The following ADAMTS9 variants were observed in gnomAD, a reference collection of about 807,000 sequenced individuals.
The protein encoded by ADAMTS9 is A disintegrin and metalloproteinase with thrombospondin motifs 9.
A neutral mutation model predicts 257.1 loss-of-function variants in ADAMTS9; 107 were observed. The observed-to-expected ratio is 0.42, with a 90% CI of 0.36 to 0.49. ADAMTS9 has a LOEUF of 0.49. ADAMTS9 is among the 20% of genes least tolerant of loss of function. The pLI is 0.03. For missense variants in ADAMTS9, 2,353 were observed against 2,469.1 expected (o/e 0.95, Z 1.00); for synonymous variants, 982 against 880.9 (o/e 1.11, Z -2.03).
At chr3:64,549,065 G>A (rs2083237904) in intron 31 of ADAMTS9, among the ~76,000 whole-genome samples, 2 of 152,114 alleles carry the variant, frequency 1.3e-5, no homozygotes, top group Non-Finnish European at 2.9e-5. Context: ...CAGAGAGAAG[G>A]CATGTCTTCT....
At chr3:64,605,008 T>C (rs1288360835) in intron 23 of ADAMTS9, among the ~76,000 whole-genome samples, 1 of 152,228 alleles carries the variant, frequency 6.6e-6, no homozygotes, top group Admixed American at 6.5e-5. Context: ...ACTTAATACA[T>C]ATTCATCAAA....
intron 12 of ADAMTS9, among the ~76,000 whole-genome samples, chr3:64,634,457 T>C (rs1291934593): frequency 6.6e-6 from 1 of 152,224 alleles, no homozygotes; most frequent in African/African-American, 2.4e-5. Context: ...TGGGAATGTG[T>C]TCATATTTTG....
intron 3 of ADAMTS9, among the ~76,000 whole-genome samples, chr3:64,659,701 C>T (rs73832369): frequency 3.9e-5 from 6 of 152,040 alleles, no homozygotes; most frequent in Admixed American, 1.3e-4. Context: ...TACTCCAGGG[C>T]TCAGTTAAGG....
intron 18 of ADAMTS9, 59 bp downstream of exon 18, chr3:64,622,135 AAAAT>A (rs958257711): frequency 3.7e-5 from 55 of 1,505,884 alleles, no homozygotes; most frequent in Admixed American, 1.0e-4. Context: ...GCTGTTATTA[AAAAT>A]AAATAAATAA....
In ADAMTS9 at chr3:64,655,589, C is replaced by T. The variant is rs766227581; in HGVS notation, c.1156G>A (p.Val386Ile). 5 of 1,613,302 alleles carry T rather than the reference C, an allele frequency of 3.1e-6. No homozygotes were observed. In the South Asian group the frequency reaches 3.3e-5, roughly 11 times the overall value. ...SPGGIHHDTAVLLTRQDICRA... is the reference protein window; with the variant it reads ...SPGGIHHDTAILLTRQDICRA... ...AAATCCATATACCTTGTTAAGAGAA[C>T]AGCAGTATCATGATGGATTCCACCT... Residue 386 changes from valine (V) to isoleucine (I), a missense_variant, in exon 6 of 40, where the codon GTT becomes ATT. Around this residue, in one of 3 missense-constraint regions of ADAMTS9, gnomAD observed 591 missense variants for 569.6 expected, o/e 1.04. Coordinates refer to ENST00000498707, the MANE Select transcript of ADAMTS9 (RefSeq NM_182920.2).
At chr3:64,659,481 A>C (rs960725011) in intron 3 of ADAMTS9, among the ~76,000 whole-genome samples, 11 of 151,996 alleles carry the variant, frequency 7.2e-5, no homozygotes, top group African/African-American at 2.7e-4. Flanking sequence ...AACAAAAAAA[A>C]AAAAAAAAAA....
chr3:64,605,966 T>C (rs1462119282), intron 23 of ADAMTS9, among the ~76,000 whole-genome samples: 1 of 152,242 alleles, frequency 6.6e-6, no homozygotes, highest in African/African-American at 2.4e-5. Context: ...TGCTGAACTT[T>C]TGAACCTGTT....
intron 29 of ADAMTS9, chr3:64,563,076 G>C (rs918191776): frequency 2.6e-5 from 4 of 152,164 alleles, no homozygotes; most frequent in Non-Finnish European, 4.4e-5. Context: ...TAATTGGATT[G>C]AATGAGTTTG....
At chr3:64,542,087 GTGTCGCTGAA>G in intron 32 of ADAMTS9, 117 bp from the exon 33 acceptor site, 1 of 1,363,184 alleles carries the variant, frequency 7.3e-7, no homozygotes, top group Non-Finnish European at 1.0e-6. Flanking sequence ...TTCAGACCCT[GTGTCGCTGAA>G]TACAAAAAGC....
chr3:64,633,363 C>T (rs1051639801), intron 14 of ADAMTS9, 109 bp downstream of exon 14: 12 of 1,490,208 alleles, frequency 8.1e-6, no homozygotes, highest in Non-Finnish European at 9.0e-6. Context: ...AGAACCACTG[C>T]CCTGGCAACA....
At chr3:64,580,720 G>T (rs1559775453) in intron 28 of ADAMTS9, among the ~76,000 whole-genome samples, 2 of 152,166 alleles carry the variant, frequency 1.3e-5, no homozygotes, top group African/African-American at 4.8e-5. Flanking sequence ...CAAATATTCA[G>T]CTATCTCTGA....
At chr3:64,518,596 G>A (rs1024047568) in intron 39 of ADAMTS9, among the ~76,000 whole-genome samples, 5 of 152,022 alleles carry the variant, frequency 3.3e-5, no homozygotes, top group African/African-American at 4.8e-5. Context: ...GGTATAGGGT[G>A]AGGCCTGACA....
intron 16 of ADAMTS9, among the ~76,000 whole-genome samples, chr3:64,625,681 C>T (rs367942200): frequency 4.0e-4 from 61 of 152,236 alleles, no homozygotes; most frequent in African/African-American, 1.4e-3. Flanking sequence ...GAATAAGGTG[C>T]CTTCATCTGA....
intron 9 of ADAMTS9, 98 bp from the exon 10 acceptor site, chr3:64,649,876 A>C: frequency 7.4e-7 from 1 of 1,354,110 alleles, no homozygotes; most frequent in South Asian, 1.5e-5. Context: ...GTAATGGTAG[A>C]GAGGACAGTT....
At chr3:64,632,107 C>T (rs1046255705) in intron 14 of ADAMTS9, among the ~76,000 whole-genome samples, 182 bp from the exon 15 acceptor site, 4 of 151,984 alleles carry the variant, frequency 2.6e-5, no homozygotes, top group Non-Finnish European at 5.9e-5. Flanking sequence ...GTCCTTGGAC[C>T]AGCAGCCATG....
At position 64,604,342 on chromosome 3, in the gene ADAMTS9, T is replaced by TG. The variant is rs750522239; in HGVS notation, c.3475-12dup. On this transcript the variant is annotated splice_polypyrimidine_tract_variant and intron_variant, in intron 23 of 39. Transcript: ENST00000498707. ...TGGTAATTCACAGTCCTAGACGTGA[T>TG]GGGGGAAAAAAAAACAAAGTCACTT... 6.5e-6 allele frequency: 10 copies of TG among 1,549,988 alleles called. No individual in the cohort carries two copies. The East Asian group carries it at 1.4e-4, about 21-fold the overall frequency.
chr3:64,554,566 C>T (rs1343756204), intron 30 of ADAMTS9, among the ~76,000 whole-genome samples: 2 of 152,158 alleles, frequency 1.3e-5, no homozygotes, highest in Admixed American at 1.3e-4. Context: ...CTAGAATGTT[C>T]TGAAAAACAG....
chr3:64,665,388 T>C (rs1479612308), intron 3 of ADAMTS9, among the ~76,000 whole-genome samples: 1 of 152,172 alleles, frequency 6.6e-6, no homozygotes, highest in African/African-American at 2.4e-5. Flanking sequence ...CTGCTCACCC[T>C]CCGTCCTCCC....
In ADAMTS9 at chr3:64,550,705, C is replaced by T. The variant is rs775878555; in HGVS notation, c.4869+187G>A. On this transcript the variant is annotated intron_variant, in intron 31 of 39. Coordinates refer to ENST00000498707, the MANE Select transcript of ADAMTS9 (RefSeq NM_182920.2). ...TAGAGACCATCTCTTACATCTCTCC[C>T]GCTTTGCATACAAGGAATTCTAGCT... 90 of 653,138 alleles carry T rather than the reference C, an allele frequency of 1.4e-4. No individual in the cohort carries two copies. In the African/African-American group the frequency reaches 1.4e-3, roughly 10 times the overall value. The allele number at this position is 653,138 out of a possible 1,614,324, so 40.5% of individuals were successfully genotyped here.
Sources: allele counts gnomAD v4.1 joint callset (sites outside exome capture counted in the v4.1 genomes callset), GRCh38; gene constraint gnomAD v4.1.1; regional missense constraint gnomAD v4.1.1; transcripts MANE v1.5; gene names NCBI Gene and HGNC (gene_info 2026-07-23, HGNC 2026-07-21).